Variants in SLC71A2 observed in about 807,000 individuals in gnomAD.
The protein encoded by SLC71A2 is hippocampus abundant transcript-like 1.
chr9:94,403,332 T>G, the SLC71A2 span, among the ~76,000 whole-genome samples: 3 of 151,870 alleles, frequency 2.0e-5, no homozygotes, highest in Non-Finnish European at 4.4e-5. Context: ...GAGACGGGTT[T>G]GCACCATGTT....
At chr9:94,374,990 G>C in the SLC71A2 span, 2 of 1,154,102 alleles carry the variant, frequency 1.7e-6, no homozygotes, top group Non-Finnish European at 2.2e-6. Flanking sequence ...GTCGCACCCA[G>C]GGCCCGCGAG....
chr9:94,460,561 G>A, the SLC71A2 span: 16 of 152,654 alleles, frequency 1.0e-4, no homozygotes, highest in African/African-American at 3.9e-4. Flanking sequence ...AAACTTTACA[G>A]ATTTATATGT....
the SLC71A2 span, among the ~76,000 whole-genome samples, chr9:94,426,644 G>A: frequency 6.6e-6 from 1 of 152,064 alleles, no homozygotes; most frequent in African/African-American, 2.4e-5. Context: ...TCTAAGCTTT[G>A]TTGTACTGGA....
the SLC71A2 span, among the ~76,000 whole-genome samples, chr9:94,452,171 A>G: frequency 6.6e-6 from 1 of 152,268 alleles, no homozygotes; most frequent in Non-Finnish European, 1.5e-5. Flanking sequence ...TGCAAAATCA[A>G]CTAGGAAAAT....
the SLC71A2 span, among the ~76,000 whole-genome samples, chr9:94,449,974 T>C: frequency 6.6e-6 from 1 of 152,298 alleles, no homozygotes; most frequent in East Asian, 1.9e-4. Context: ...GTACTGCACA[T>C]TGTATGATTT....
chr9:94,423,417 A>G, the SLC71A2 span, among the ~76,000 whole-genome samples: 2 of 152,156 alleles, frequency 1.3e-5, no homozygotes, highest in Non-Finnish European at 2.9e-5. Context: ...CGGGCATGGA[A>G]AAAGACATAG....
the SLC71A2 span, chr9:94,445,329 TTGAG>T: frequency 2.3e-5 from 15 of 646,754 alleles, no homozygotes; most frequent in South Asian, 8.0e-5. Flanking sequence ...AAGTAAGGGA[TTGAG>T]TTAGTCTTTG....
At chr9:94,446,302 A>G in the SLC71A2 span, among the ~76,000 whole-genome samples, 1 of 152,240 alleles carries the variant, frequency 6.6e-6, no homozygotes, top group African/African-American at 2.4e-5. Context: ...TTTTTCAACA[A>G]GGTTGTAACA....
chr9:94,406,002 A>G, the SLC71A2 span, among the ~76,000 whole-genome samples: 5 of 148,546 alleles, frequency 3.4e-5, no homozygotes, highest in African/African-American at 1.3e-4. Context: ...CATAGAGGTC[A>G]TTCACCTTCT....
the SLC71A2 span, among the ~76,000 whole-genome samples, chr9:94,376,195 T>C: frequency 6.7e-6 from 1 of 149,750 alleles, no homozygotes; most frequent in Admixed American, 6.7e-5. Flanking sequence ...CCTCCTCCTG[T>C]CTCATGAATT....
the SLC71A2 span, among the ~76,000 whole-genome samples, chr9:94,404,039 C>G: frequency 6.6e-6 from 1 of 152,158 alleles, no homozygotes; most frequent in African/African-American, 2.4e-5. Context: ...CTCTTTTGCC[C>G]TTCCACCTTC....
the SLC71A2 span, among the ~76,000 whole-genome samples, chr9:94,435,186 ATT>A: frequency 6.6e-6 from 1 of 152,200 alleles, no homozygotes; most frequent in African/African-American, 2.4e-5. Flanking sequence ...ACGCTTGAAA[ATT>A]TAATTCTCCA....
chr9:94,389,687 G>A, the SLC71A2 span, among the ~76,000 whole-genome samples: 2 of 151,854 alleles, frequency 1.3e-5, no homozygotes, highest in Admixed American at 1.3e-4. Flanking sequence ...GCTCACTTTA[G>A]CCTCAAACTC....
chr9:94,401,211 C>T, the SLC71A2 span, among the ~76,000 whole-genome samples: 2 of 152,070 alleles, frequency 1.3e-5, 1 homozygote, highest in African/African-American at 4.8e-5. Context: ...CACTCTGTCA[C>T]CCAGGCTGGA....
At chr9:94,377,589 C>T in the SLC71A2 span, among the ~76,000 whole-genome samples, 3 of 143,860 alleles carry the variant, frequency 2.1e-5, no homozygotes, top group Non-Finnish European at 4.5e-5. Context: ...CTTCCTGTTT[C>T]CCAAGCTGGT....
the SLC71A2 span, among the ~76,000 whole-genome samples, chr9:94,431,301 A>G: frequency 1.3e-5 from 2 of 149,480 alleles, no homozygotes; most frequent in African/African-American, 4.9e-5. Context: ...CGACGGAGCG[A>G]GACTCCGTCT....
the SLC71A2 span, among the ~76,000 whole-genome samples, chr9:94,424,283 G>A: frequency 6.6e-6 from 1 of 151,738 alleles, no homozygotes; most frequent in Non-Finnish European, 1.5e-5. Context: ...CACCCAGGCT[G>A]GAGTGCAGTG....
At chr9:94,391,935 C>T in the SLC71A2 span, among the ~76,000 whole-genome samples, 2 of 151,998 alleles carry the variant, frequency 1.3e-5, no homozygotes, top group Non-Finnish European at 2.9e-5. Flanking sequence ...CCAGGCTGGT[C>T]TTGAACCCCT....
At chr9:94,454,147 G>T in the SLC71A2 span, 1 of 975,026 alleles carries the variant, frequency 1.0e-6, no homozygotes, top group Non-Finnish European at 1.6e-6. Context: ...TGGGTGTGAT[G>T]AGAAGGAAGC....
Sources: gnomAD v4.1 joint callset for allele counts (sites outside exome capture counted in the v4.1 genomes callset) on GRCh38, gnomAD v4.1.1 for gene constraint, MANE v1.5 for transcripts, NCBI Gene and HGNC (gene_info 2026-07-23, HGNC 2026-07-21) for gene names.